SERPINI1: variants seen among roughly 807,000 people sequenced by gnomAD.
The protein encoded by SERPINI1 is neuroserpin.
A neutral mutation model predicts 41.1 loss-of-function variants in SERPINI1; 19 were observed. That is an observed-to-expected ratio of 0.46 (90% confidence interval 0.32 to 0.68). SERPINI1 has a LOEUF of 0.68. Ranked by LOEUF, SERPINI1 falls within the 30% of genes least tolerant of loss-of-function variation. SERPINI1 has a pLI of 0.03. For synonymous variants in SERPINI1, 138 were observed against 156.6 expected (o/e 0.88, Z 0.89); for missense variants, 460 against 479.2 (o/e 0.96, Z 0.37).
intron 6 of SERPINI1, among the ~76,000 whole-genome samples, chr3:167,811,131 C>A (rs901922052): frequency 2.0e-5 from 3 of 151,574 alleles, no homozygotes; most frequent in African/African-American, 7.3e-5. Context: ...TTCTTCCAGA[C>A]CCCTGTTAAT....
intron 1 of SERPINI1, among the ~76,000 whole-genome samples, chr3:167,760,561 TTGTGTGTG>T (rs57003321): frequency 0.12 from 17,256 of 140,508 alleles, 1,065 homozygotes; most frequent in Middle Eastern, 0.21. Flanking sequence ...TGGCTCCAAA[TTGTGTGTG>T]TGTGTGTGTG....
chr3:167,817,552 A>T (rs1332331305), intron 6 of SERPINI1, among the ~76,000 whole-genome samples: 1 of 151,866 alleles, frequency 6.6e-6, no homozygotes, highest in Non-Finnish European at 1.5e-5. Flanking sequence ...TTATTCAAAT[A>T]TTCTATTTTT....
chr3:167,800,427 C>T (rs952976458), intron 5 of SERPINI1, among the ~76,000 whole-genome samples: 30 of 152,156 alleles, frequency 2.0e-4, no homozygotes, highest in Non-Finnish European at 3.1e-4. Context: ...TTTATATATA[C>T]TTCTCTCTAA....
chr3:167,808,181 C>G (rs1711724729), intron 6 of SERPINI1, among the ~76,000 whole-genome samples: 3 of 129,076 alleles, frequency 2.3e-5, no homozygotes, highest in Admixed American at 1.5e-4. Context: ...AAAGAAGTAA[C>G]TTCAAAGTAT....
At chr3:167,743,176 C>T (rs974104430) in intron 1 of SERPINI1, among the ~76,000 whole-genome samples, 1 of 152,134 alleles carries the variant, frequency 6.6e-6, no homozygotes. Flanking sequence ...TGAAGATTTT[C>T]TTAGCTGCCT....
chr3:167,789,483 A>AG, intron 2 of SERPINI1, 105 bp downstream of exon 2: 1 of 1,353,578 alleles, frequency 7.4e-7, no homozygotes, highest in Non-Finnish European at 1.0e-6. Context: ...AGGGTAAAAA[A>AG]CAATCTCATT....
chr3:167,812,499 C>T (rs1711926744), intron 6 of SERPINI1, among the ~76,000 whole-genome samples: 3 of 152,196 alleles, frequency 2.0e-5, no homozygotes, highest in Admixed American at 6.5e-5. Flanking sequence ...CTACACCAAC[C>T]AGAAGTAATC....
chr3:167,825,121 G>A lies in SERPINI1; in HGVS notation c.1157-126G>A, dbSNP rs557193577. 7 of 736,204 alleles carry A rather than the reference G, an allele frequency of 9.5e-6. No individual in the cohort carries two copies. In the East Asian group the frequency reaches 1.6e-4, roughly 16 times the overall value. 45.6% of individuals were successfully genotyped at this position (736,204 alleles called of 1,614,324 possible). A position where few individuals can be genotyped will look rare whatever the true frequency, so the allele number is the denominator to read the frequency against. On this transcript the variant is annotated intron_variant, in intron 8 of 8. Coordinates refer to ENST00000446050, the MANE Select transcript of SERPINI1 (RefSeq NM_001122752.2). Reference sequence around the variant, plus strand: ...AGAGAGAGGAAGGAAGGAAGGACAGGAGGAAGGAAGGAAGGAAGGAAGGAA... The same window carrying A: ...AGAGAGAGGAAGGAAGGAAGGACAGAAGGAAGGAAGGAAGGAAGGAAGGAA...
intron 1 of SERPINI1, among the ~76,000 whole-genome samples, chr3:167,780,125 C>G (rs1727073436): frequency 6.6e-6 from 1 of 151,798 alleles, no homozygotes; most frequent in African/African-American, 2.4e-5. Flanking sequence ...CATATTATTC[C>G]CTCAGTAAAC....
At chr3:167,759,424 G>A (rs572368821) in intron 1 of SERPINI1, among the ~76,000 whole-genome samples, 17 of 93,420 alleles carry the variant, frequency 1.8e-4, no homozygotes, top group African/African-American at 3.9e-4. Context: ...ATATATATGC[G>A]CCATGCAGTA....
intron 5 of SERPINI1, among the ~76,000 whole-genome samples, chr3:167,795,137 A>T (rs750323973): frequency 1.3e-5 from 2 of 152,084 alleles, no homozygotes; most frequent in Non-Finnish European, 2.9e-5. Flanking sequence ...TTTGTTTTAG[A>T]AAATTTATCT....
At chr3:167,739,836 T>C (rs1490500258) in intron 1 of SERPINI1, among the ~76,000 whole-genome samples, 1 of 152,226 alleles carries the variant, frequency 6.6e-6, no homozygotes, top group Non-Finnish European at 1.5e-5. Context: ...GGTGTTAGAA[T>C]TAAGAATCTA....
At position 167,786,462 on chromosome 3, in the gene SERPINI1, C is replaced by T. The variant is rs977120303; in HGVS notation, c.-18-2649C>T. On this transcript the variant is annotated intron_variant, in intron 1 of 8. Coordinates refer to ENST00000446050, the MANE Select transcript of SERPINI1 (RefSeq NM_001122752.2). ...GGCGGAGGTTGCAGTGAGCCGAGAT[C>T]GCACCACTGCACTCCAGCCTGGGCG... 7.5e-5 allele frequency among the ~76,000 whole-genome samples: 11 copies of T among 146,912 alleles called. No homozygotes were observed. In the East Asian group the frequency reaches 2.2e-3, roughly 30 times the overall value.
At chr3:167,771,476 A>G (rs1330992769) in intron 1 of SERPINI1, among the ~76,000 whole-genome samples, 1 of 152,228 alleles carries the variant, frequency 6.6e-6, no homozygotes, top group Non-Finnish European at 1.5e-5. Flanking sequence ...TACTGTATAT[A>G]CATAAGATAT....
intron 1 of SERPINI1, among the ~76,000 whole-genome samples, chr3:167,758,071 T>C (rs1577402628): frequency 6.6e-6 from 1 of 152,354 alleles, no homozygotes; most frequent in East Asian, 1.9e-4. Context: ...GTAATATTAA[T>C]TCCTTTACAC....
At chr3:167,744,691 CATATATAA>C (rs1466659822) in intron 1 of SERPINI1, among the ~76,000 whole-genome samples, 60 of 124,024 alleles carry the variant, frequency 4.8e-4, no homozygotes, top group Non-Finnish European at 8.3e-4. Context: ...TATATATAAA[CATATATAA>C]ATATATATAA....
intron 1 of SERPINI1, among the ~76,000 whole-genome samples, chr3:167,748,083 A>G (rs1458869418): frequency 6.6e-6 from 1 of 152,082 alleles, no homozygotes; most frequent in African/African-American, 2.4e-5. Flanking sequence ...TTAGGAACAA[A>G]AAAGTGTGAT....
intron 5 of SERPINI1, among the ~76,000 whole-genome samples, chr3:167,804,666 T>C (rs1711566502): frequency 6.6e-6 from 1 of 152,106 alleles, no homozygotes; most frequent in Non-Finnish European, 1.5e-5. Context: ...GACCCACATC[T>C]ACACAAACAA....
intron 1 of SERPINI1, among the ~76,000 whole-genome samples, chr3:167,779,572 A>G (rs1054701759): frequency 3.9e-5 from 6 of 152,222 alleles, no homozygotes; most frequent in African/African-American, 1.4e-4. Flanking sequence ...AAACCCATAG[A>G]GTCAGATAAC....
Sources: allele counts gnomAD v4.1 joint callset (sites outside exome capture counted in the v4.1 genomes callset), GRCh38; gene constraint gnomAD v4.1.1; transcripts MANE v1.5; gene names NCBI Gene and HGNC (gene_info 2026-07-23, HGNC 2026-07-21).